DRC1: variants seen among roughly 807,000 people sequenced by gnomAD.
DRC1 encodes the protein dynein regulatory complex subunit 1.
Under a neutral mutation model 98.7 loss-of-function variants are expected in DRC1, and 74 were observed. That is an observed-to-expected ratio of 0.75 (90% CI 0.62 to 0.91). The LOEUF (loss-of-function observed/expected upper bound fraction) is 0.91. DRC1 is among the 40% of genes least tolerant of loss of function. The pLI, the probability that DRC1 is intolerant of heterozygous loss-of-function variation, is 0.00. For missense variants in DRC1, 875 were observed against 886.0 expected (o/e 0.99, Z 0.16); for synonymous variants, 336 against 334.1 (o/e 1.01, Z -0.06).
intron 2 of DRC1, among the ~76,000 whole-genome samples, chr2:26,418,445 C>A (rs921600787): frequency 1.3e-4 from 19 of 145,476 alleles, no homozygotes; most frequent in Non-Finnish European, 2.1e-4. Context: ...TGAATTCAAA[C>A]TAGGACTTTT....
intron 13 of DRC1, among the ~76,000 whole-genome samples, chr2:26,452,554 A>T (rs1246333276): frequency 6.6e-6 from 1 of 152,246 alleles, no homozygotes. Flanking sequence ...CTCTAAATAT[A>T]TCTCATTACA....
chr2:26,438,174 T>C (rs528931371), intron 7 of DRC1, among the ~76,000 whole-genome samples: 3 of 151,372 alleles, frequency 2.0e-5, no homozygotes, highest in East Asian at 3.9e-4. Flanking sequence ...TGTTGTAATA[T>C]TGAGGGAGGA....
At chr2:26,431,835 T>C in intron 6 of DRC1, 49 bp from the exon 7 acceptor site, 1 of 1,607,470 alleles carries the variant, frequency 6.2e-7, no homozygotes, top group Non-Finnish European at 8.5e-7. Flanking sequence ...AGGATTGAGG[T>C]GGGGCAAGGA....
Position 26,440,461 on chromosome 2 carries a change from G to A in DRC1, c.972G>A (p.Lys324=), listed in dbSNP as rs1663689812. The A allele has an allele frequency of 2.5e-6, 4 of 1,613,340 alleles. No homozygotes were observed. The highest frequency in any genetic ancestry group is 3.4e-6 in the Non-Finnish European group (4 of 1,179,732). The part of the protein sequence containing the change: ...EKLEYNLQVL[K]KRDEESTVIK... ...TAGAGTACAACTTGCAGGTGCTGAAGAAGAGAGATGAAGAAAGCACAGTAA... is the reference window on the plus strand; with the variant it reads ...TAGAGTACAACTTGCAGGTGCTGAAAAAGAGAGATGAAGAAAGCACAGTAA... The change falls in exon 8 of 17, where the codon AAG becomes AAA. Residue 324 remains lysine, a synonymous_variant. Coordinates refer to ENST00000288710, the MANE Select transcript of DRC1 (RefSeq NM_145038.5).
rs554776034 is a variant in DRC1 at position 26,453,749 on chromosome 2, C to A, written c.1919+200C>A. 2.6e-5 allele frequency among the ~76,000 whole-genome samples: 4 copies of A among 152,276 alleles called. No homozygotes were observed. In the South Asian group the frequency reaches 8.3e-4, roughly 32 times the overall value. The stretch of plus-strand genomic sequence containing the variant: ...CAATAGGGCATAGTGGTGATCTGTG[C>A]TTTTTTCACTCATCATTCATTCAGC... On this transcript the variant is annotated intron_variant, in intron 14 of 16. Transcript: ENST00000288710.
At chr2:26,414,292 A>G (rs762291944) in intron 1 of DRC1, 52 bp from the exon 2 acceptor site, 8 of 1,593,556 alleles carry the variant, frequency 5.0e-6, no homozygotes, top group Non-Finnish European at 6.9e-6. Context: ...CTTTAAATAT[A>G]GAATTTACGT....
chr2:26,404,176 A>C (rs1678347084), intron 1 of DRC1, among the ~76,000 whole-genome samples: 1 of 152,178 alleles, frequency 6.6e-6, no homozygotes, highest in African/African-American at 2.4e-5. Flanking sequence ...TCTGTCCCAC[A>C]GGCCATAGTT....
In DRC1 at chr2:26,429,807, C is replaced by T. The variant is rs768438135; in HGVS notation, c.678+42C>T. 35 of 1,605,070 alleles carry T rather than the reference C, an allele frequency of 2.2e-5. No homozygotes were observed. In the Admixed American group the frequency reaches 4.2e-4, roughly 19 times the overall value. On this transcript the variant is annotated intron_variant, in intron 5 of 16. Coordinates refer to ENST00000288710, the MANE Select transcript of DRC1 (RefSeq NM_145038.5). ...AGACCTGGTTTCTGCTCTTGGAGGG[C>T]CCCTGGGAGGAGGTCTAGGTCTGTC... is the stretch of plus-strand genomic sequence containing the variant.
In DRC1 at chr2:26,444,755, T is replaced by A. The variant is rs1387371868; in HGVS notation, c.1203T>A (p.Ile401=). Residue 401 remains isoleucine, a synonymous_variant, in exon 10 of 17, where the codon ATT becomes ATA. Transcript: ENST00000288710. The part of the protein sequence containing the change: ...ALIDDEKFWE[I]WLMNEEEAKD... ...TTGATGATGAGAAGTTTTGGGAGAT[T>A]TGGCTGATGAATGAAGAGGAGGCGA... is the stretch of plus-strand genomic sequence containing the variant. 2 of 1,613,994 alleles carry A rather than the reference T, an allele frequency of 1.2e-6. No homozygotes were observed. Among genetic ancestry groups the A allele is most frequent in the Non-Finnish European group, 8.5e-7 (1 of 1,180,020 alleles).
chr2:26,438,049 G>A (rs1572374919), intron 7 of DRC1, among the ~76,000 whole-genome samples: 2 of 133,450 alleles, frequency 1.5e-5, no homozygotes, highest in East Asian at 4.4e-4. Flanking sequence ...CTGAGATCAT[G>A]CCACTGCACT....
chr2:26,428,781 G>A (rs1663351515), intron 4 of DRC1, among the ~76,000 whole-genome samples: 1 of 151,552 alleles, frequency 6.6e-6, no homozygotes, highest in African/African-American at 2.4e-5. Context: ...CTGGGCAACA[G>A]AGCAAGACTC....
At chr2:26,426,520 C>T (rs566417281) in intron 4 of DRC1, among the ~76,000 whole-genome samples, 2 of 152,032 alleles carry the variant, frequency 1.3e-5, no homozygotes, top group East Asian at 3.9e-4. Context: ...GCATGCACCA[C>T]CATGCCTGGC....
chr2:26,404,372 T>C (rs1394060915), intron 1 of DRC1, among the ~76,000 whole-genome samples: 1 of 152,170 alleles, frequency 6.6e-6, no homozygotes, highest in Non-Finnish European at 1.5e-5. Flanking sequence ...TTTTCCTGAT[T>C]GAGGTAGAAA....
chr2:26,439,586 C>T (rs1404205220), intron 7 of DRC1, among the ~76,000 whole-genome samples: 1 of 152,066 alleles, frequency 6.6e-6, no homozygotes, highest in Non-Finnish European at 1.5e-5. Flanking sequence ...AACACTAACA[C>T]TTCTACCCTG....
intron 7 of DRC1, among the ~76,000 whole-genome samples, chr2:26,437,774 CAT>C (rs1411545358): frequency 6.6e-6 from 1 of 151,646 alleles, no homozygotes; most frequent in Non-Finnish European, 1.5e-5. Flanking sequence ...ACATGGTAAA[CAT>C]ATTAAATATT....
chr2:26,430,138 G>C (rs1371106802), intron 5 of DRC1, among the ~76,000 whole-genome samples: 1 of 152,146 alleles, frequency 6.6e-6, no homozygotes, highest in African/African-American at 2.4e-5. Context: ...GAATAAAAAA[G>C]GGGGATTAGC....
At chr2:26,447,460 G>C (rs1332448941) in intron 10 of DRC1, among the ~76,000 whole-genome samples, 2 of 152,126 alleles carry the variant, frequency 1.3e-5, no homozygotes, top group East Asian at 1.9e-4. Flanking sequence ...AATAGTTTCT[G>C]TGTGGTTATA....
At position 26,418,603 on chromosome 2, in the gene DRC1, A is replaced by ATATAAAAATTATATATAATTTATATAT. The variant is rs1490605406; in HGVS notation, c.244-2681_244-2680insAAAATTATATATAATTTATATATTATA. Among the ~76,000 whole-genome samples, 187 of 93,378 alleles carry ATATAAAAATTATATATAATTTATATAT rather than the reference A, an allele frequency of 2.0e-3. 2 individuals carry two copies. Among genetic ancestry groups the ATATAAAAATTATATATAATTTATATAT allele is most frequent in the Non-Finnish European group, 3.2e-3 (174 of 54,414 alleles). The allele number at this position is 93,378 out of a possible 152,430, so 61.3% of individuals were successfully genotyped here. On this transcript the variant is annotated intron_variant, in intron 2 of 16. Coordinates refer to ENST00000288710, the MANE Select transcript of DRC1 (RefSeq NM_145038.5). ...ATATAAATTATATATAATTTATATA[A>ATATAAAAATTATATATAATTTATATAT]TATATAAATTATATATAATATAAAT...
chr2:26,430,140 G>A (rs1169888792), intron 5 of DRC1, among the ~76,000 whole-genome samples: 1 of 152,160 alleles, frequency 6.6e-6, no homozygotes, highest in Non-Finnish European at 1.5e-5. Flanking sequence ...ATAAAAAAGG[G>A]GGATTAGCAC....
Sources: gnomAD v4.1 joint callset for allele counts (sites outside exome capture counted in the v4.1 genomes callset) on GRCh38, gnomAD v4.1.1 for gene constraint, MANE v1.5 for transcripts, NCBI Gene and HGNC (gene_info 2026-07-23, HGNC 2026-07-21) for gene names.